TSHZ2: variants seen among roughly 807,000 people sequenced by gnomAD.
TSHZ2 encodes the protein teashirt zinc finger homeobox 2, also known as teashirt homolog 2.
In TSHZ2, 21 loss-of-function variants were observed where a neutral mutation model predicts 74.4. That is an observed-to-expected ratio of 0.28 (90% CI 0.20 to 0.41). TSHZ2 has a LOEUF of 0.41. Among genes scored for constraint, TSHZ2 ranks in the 10% least tolerant of loss-of-function variants. The pLI is 1.00. For synonymous variants in TSHZ2, 540 were observed against 515.3 expected (o/e 1.05, Z -0.65); for missense variants, 1,244 against 1,293.5 (o/e 0.96, Z 0.59).
chr20:53,281,809 C>T (rs780743432), intron 2 of TSHZ2, among the ~76,000 whole-genome samples: 6 of 152,196 alleles, frequency 3.9e-5, no homozygotes, highest in Non-Finnish European at 8.8e-5. Context: ...CTCAGAGTTC[C>T]ACCTGTCTGT....
At chr20:53,024,026 TA>T (rs1452303762) in intron 1 of TSHZ2, among the ~76,000 whole-genome samples, 1 of 152,046 alleles carries the variant, frequency 6.6e-6, no homozygotes, top group Non-Finnish European at 1.5e-5. Flanking sequence ...CAAATTGCCA[TA>T]AAGGGGAGGT....
intron 2 of TSHZ2, among the ~76,000 whole-genome samples, chr20:53,320,439 T>C (rs1412952914): frequency 2.6e-5 from 4 of 152,216 alleles, no homozygotes; most frequent in Non-Finnish European, 2.9e-5. Flanking sequence ...TTCTTTTCAT[T>C]GCCTCAATTC....
chr20:53,417,989 C>A (rs1983330841), intron 2 of TSHZ2, among the ~76,000 whole-genome samples: 1 of 152,084 alleles, frequency 6.6e-6, no homozygotes, highest in Non-Finnish European at 1.5e-5. Flanking sequence ...GTAAAAGGAG[C>A]AAATCATCAA....
chr20:53,096,861 G>A (rs578145869), intron 1 of TSHZ2, among the ~76,000 whole-genome samples: 10 of 150,172 alleles, frequency 6.7e-5, no homozygotes, highest in Non-Finnish European at 1.5e-4. Context: ...CAGCCTGGGA[G>A]ATAAGAGTGA....
At chr20:52,978,888 A>G (rs1380327260) in intron 1 of TSHZ2, among the ~76,000 whole-genome samples, 1 of 152,216 alleles carries the variant, frequency 6.6e-6, no homozygotes, top group Non-Finnish European at 1.5e-5. Context: ...CTATCTTTAT[A>G]GAGTCTGCTT....
At chr20:53,186,273 G>A (rs1326249823) in intron 1 of TSHZ2, among the ~76,000 whole-genome samples, 2 of 152,188 alleles carry the variant, frequency 1.3e-5, no homozygotes, top group Non-Finnish European at 2.9e-5. Flanking sequence ...TTTCAATTTA[G>A]GACATTCTTT....
chr20:53,325,728 TAGG>T (rs1293422780), intron 2 of TSHZ2, among the ~76,000 whole-genome samples: 2 of 152,254 alleles, frequency 1.3e-5, no homozygotes, highest in African/African-American at 4.8e-5. Context: ...CCAATGGAAA[TAGG>T]AGGAAGTAAA....
rs767690295 is a variant in TSHZ2 at position 52,973,252 on chromosome 20, C to A, written c.-42C>A. 5.8e-6 allele frequency: 9 copies of A among 1,548,170 alleles called. No individual in the cohort carries two copies. The highest frequency in any genetic ancestry group is 7.9e-6 in the Non-Finnish European group (9 of 1,145,100). On this transcript the variant is annotated 5_prime_UTR_variant, in exon 1 of 3. Transcript: ENST00000371497. ...AGACAGCGGGCCCCAGCGCGCGGCTCGGGGCTGGGGCGCCAGAAGTGGGAC... is the reference window on the plus strand; with the variant it reads ...AGACAGCGGGCCCCAGCGCGCGGCTAGGGGCTGGGGCGCCAGAAGTGGGAC...
At chr20:53,369,495 C>T (rs1440061578) in intron 2 of TSHZ2, among the ~76,000 whole-genome samples, 1 of 151,774 alleles carries the variant, frequency 6.6e-6, no homozygotes, top group Non-Finnish European at 1.5e-5. Context: ...TCACCTGAGG[C>T]CAGGAGTTCA....
At chr20:53,453,371 G>C (rs1039469401) in intron 2 of TSHZ2, among the ~76,000 whole-genome samples, 1 of 152,142 alleles carries the variant, frequency 6.6e-6, no homozygotes, top group African/African-American at 2.4e-5. Context: ...AATAACATGT[G>C]CTCTCAAATA....
chr20:53,392,708 A>T (rs1982305111), intron 2 of TSHZ2, among the ~76,000 whole-genome samples: 1 of 152,120 alleles, frequency 6.6e-6, no homozygotes. Context: ...TTATTTTTTA[A>T]AAAAACTTCA....
At position 53,131,912 on chromosome 20, in the gene TSHZ2, G is replaced by A. The variant is rs968161072; in HGVS notation, c.41-121587G>A. On this transcript the variant is annotated intron_variant, in intron 1 of 2. Transcript: ENST00000371497. ...ATTTTGCTCTGTAAAATTGAAGAGT[G>A]TTGCATATTGAGAAAAAGAGAGGGA... Among the ~76,000 whole-genome samples, 4 of 147,988 alleles carry A rather than the reference G, an allele frequency of 2.7e-5. No homozygotes were observed. In the Admixed American group the frequency reaches 2.8e-4, roughly 10 times the overall value.
At chr20:53,200,962 A>C (rs984805606) in intron 1 of TSHZ2, among the ~76,000 whole-genome samples, 5 of 152,182 alleles carry the variant, frequency 3.3e-5, no homozygotes, top group Non-Finnish European at 5.9e-5. Context: ...ATAGTAAATG[A>C]AGATGTATTA....
In TSHZ2 at chr20:53,083,594, G is replaced by A. The variant is rs16997489; in HGVS notation, c.40+110261G>A. 7.8e-3 allele frequency among the ~76,000 whole-genome samples: 1,182 copies of A among 152,290 alleles called. 13 individuals are homozygous for A. The highest frequency in any genetic ancestry group is 0.035 in the East Asian group (181 of 5,186). ...AGTCAGACAGACTGGTTCAAATCCT[G>A]TTTCTGTTTATTCAGGCTCAAACCT... On this transcript the variant is annotated intron_variant, in intron 1 of 2. Transcript: ENST00000371497.
intron 2 of TSHZ2, among the ~76,000 whole-genome samples, chr20:53,289,240 T>TCTTTAA (rs1991234942): frequency 6.6e-6 from 1 of 152,232 alleles, no homozygotes; most frequent in African/African-American, 2.4e-5. Flanking sequence ...ACTGGCTCCA[T>TCTTTAA]ATTTTTATAA....
At chr20:53,085,435 T>C (rs1392949641) in intron 1 of TSHZ2, among the ~76,000 whole-genome samples, 1 of 152,132 alleles carries the variant, frequency 6.6e-6, no homozygotes, top group Non-Finnish European at 1.5e-5. Context: ...AACTTTTGCA[T>C]GTCTTGGAGA....
chr20:53,469,045 T>TTATATATATATATATATATGTATATA, intron 2 of TSHZ2, among the ~76,000 whole-genome samples: 2 of 49,128 alleles, frequency 4.1e-5, no homozygotes, highest in East Asian at 8.1e-4. Flanking sequence ...AATCGATATT[T>TTATATATATATATATATATGTATATA]TATATATATA....
At chr20:53,050,160 T>G (rs36041027) in intron 1 of TSHZ2, among the ~76,000 whole-genome samples, 5,312 of 141,794 alleles carry the variant, frequency 0.037, 187 homozygotes, top group Non-Finnish European at 0.057. Flanking sequence ...TATACACATA[T>G]ATATGTACAT....
rs1163107737 is a variant in TSHZ2, at chr20:53,192,595, T to C, written c.41-60904T>C. ...AAAAAAAAACCCACAACAACTGGTC[T>C]ATGAATTGGCTGCCCAGAGAAGGGG... is the stretch of plus-strand genomic sequence containing the variant. On this transcript the variant is annotated intron_variant, in intron 1 of 2. Transcript: ENST00000371497. Among the ~76,000 whole-genome samples the C allele has an allele frequency of 2.0e-5, 3 of 149,934 alleles. No individual in the cohort carries two copies. In the East Asian group the frequency reaches 5.9e-4, roughly 29 times the overall value.
Sources: allele counts gnomAD v4.1 joint callset (sites outside exome capture counted in the v4.1 genomes callset), GRCh38; gene constraint gnomAD v4.1.1; transcripts MANE v1.5; gene names NCBI Gene and HGNC (gene_info 2026-07-23, HGNC 2026-07-21).